The following DLGAP1 variants were observed in gnomAD, a reference collection of about 807,000 sequenced individuals.
The protein encoded by DLGAP1 is disks large-associated protein 1.
A neutral mutation model predicts 90.8 loss-of-function variants in DLGAP1; 11 were observed. The ratio of observed to expected loss-of-function variants is 0.12; its 90% CI spans 0.08 to 0.20. DLGAP1 has a LOEUF of 0.20. Among genes scored for constraint, DLGAP1 ranks in the 10% least tolerant of loss-of-function variants. DLGAP1 has a pLI of 1.00. For synonymous variants in DLGAP1, 558 were observed against 540.7 expected (o/e 1.03, Z -0.44); for missense variants, 1,050 against 1,333.8 (o/e 0.79, Z 3.31).
chr18:3,501,860 G>T (rs910923002), intron 12 of DLGAP1, among the ~76,000 whole-genome samples: 7 of 142,752 alleles, frequency 4.9e-5, no homozygotes, highest in Non-Finnish European at 9.0e-5. Context: ...TAAAGTAAAA[G>T]AATTTAAGTC....
intron 3 of DLGAP1, among the ~76,000 whole-genome samples, chr18:3,952,055 C>T (rs184040996): frequency 4.6e-5 from 7 of 152,158 alleles, no homozygotes; most frequent in South Asian, 2.1e-4. Context: ...GGTAGAAAAA[C>T]GTAGAGAAAT....
chr18:3,741,165 C>T (rs1296616813), intron 6 of DLGAP1, among the ~76,000 whole-genome samples: 6 of 97,372 alleles, frequency 6.2e-5, no homozygotes, highest in Non-Finnish European at 1.1e-4. Context: ...ACCACCATCA[C>T]CACCACATCA....
chr18:3,585,474 A>G (rs1461952036), intron 7 of DLGAP1, among the ~76,000 whole-genome samples: 1 of 152,240 alleles, frequency 6.6e-6, no homozygotes, highest in Admixed American at 6.5e-5. Context: ...CTCCTAAGAC[A>G]TGTCTTTACA....
chr18:3,902,536 A>G (rs1280875162), intron 3 of DLGAP1, among the ~76,000 whole-genome samples: 7 of 152,154 alleles, frequency 4.6e-5, no homozygotes, highest in African/African-American at 7.2e-5. Flanking sequence ...TTCAATTTCT[A>G]TAAGTTTCAC....
At chr18:4,088,077 TAAAC>T (rs1169560066) in intron 2 of DLGAP1, among the ~76,000 whole-genome samples, 1 of 135,556 alleles carries the variant, frequency 7.4e-6, no homozygotes, top group Admixed American at 7.1e-5. Flanking sequence ...TTATGTTTCT[TAAAC>T]ATTTATTTTT....
rs551904520 is a variant in DLGAP1 at position 4,077,718 on chromosome 18, T to C, written c.-158-72517A>G. ...CTTGAACTTTCCCAGATATTAGAAT[T>C]ATGGGTAAAATAAACTGTTTTAAAA... On this transcript the variant is annotated intron_variant, in intron 2 of 12. Coordinates refer to ENST00000315677, the MANE Select transcript of DLGAP1 (RefSeq NM_004746.4). 2.6e-5 allele frequency among the ~76,000 whole-genome samples: 4 copies of C among 152,220 alleles called. No individual in the cohort carries two copies. The East Asian group carries it at 7.7e-4, about 29-fold the overall frequency.
chr18:3,668,170 AT>A (rs779946014), intron 7 of DLGAP1, among the ~76,000 whole-genome samples: 2 of 152,196 alleles, frequency 1.3e-5, no homozygotes, highest in Admixed American at 1.3e-4. Flanking sequence ...TAAGCCCCAA[AT>A]TGTAAGTGCC....
intron 1 of DLGAP1, among the ~76,000 whole-genome samples, chr18:4,309,595 T>C (rs1214716379): frequency 6.6e-6 from 1 of 152,172 alleles, no homozygotes. Context: ...GCCCATTTTT[T>C]TTCTTCCTTA....
At position 3,497,629 on chromosome 18, in the gene DLGAP1, G is replaced by A. The variant is rs956160591; in HGVS notation, c.*1556C>T. On this transcript the variant is annotated 3_prime_UTR_variant, in exon 13 of 13. Coordinates refer to ENST00000315677, the MANE Select transcript of DLGAP1 (RefSeq NM_004746.4). ...TGATGTATGTTTTTAAAAGTCTTTC[G>A]TTTTTAATTTCTAATGCTTTAGGAT... is the stretch of plus-strand genomic sequence containing the variant. 1.3e-5 allele frequency: 2 copies of A among 152,084 alleles called. No homozygotes were observed. Among genetic ancestry groups the A allele is most frequent in the Middle Eastern group, 3.2e-3 (1 of 316 alleles). 9.4% of individuals were successfully genotyped at this position (152,084 alleles called of 1,614,324 possible). A position where few individuals can be genotyped will look rare whatever the true frequency, so the allele number is the denominator to read the frequency against.
chr18:3,671,013 C>A (rs1483896768), intron 7 of DLGAP1, among the ~76,000 whole-genome samples: 3 of 152,228 alleles, frequency 2.0e-5, no homozygotes, highest in Non-Finnish European at 4.4e-5. Context: ...ACGTTCTGGG[C>A]TACCTGAGCC....
chr18:3,567,297 A>C (rs565599732), intron 9 of DLGAP1, among the ~76,000 whole-genome samples, 193 bp downstream of exon 9: 1 of 152,310 alleles, frequency 6.6e-6, no homozygotes, highest in Non-Finnish European at 1.5e-5. Flanking sequence ...ATTCAAACAA[A>C]ACTCAAATGG....
intron 2 of DLGAP1, among the ~76,000 whole-genome samples, chr18:4,036,369 A>G (rs1035519358): frequency 7.9e-5 from 12 of 152,202 alleles, no homozygotes; most frequent in African/African-American, 2.7e-4. Flanking sequence ...CTTACATTTA[A>G]AATGAAGAAA....
chr18:4,146,991 T>C (rs747669404), intron 2 of DLGAP1, among the ~76,000 whole-genome samples: 4 of 151,962 alleles, frequency 2.6e-5, no homozygotes, highest in Non-Finnish European at 5.9e-5. Flanking sequence ...GCAAGAAAAG[T>C]AGGAAAAATT....
intron 3 of DLGAP1, chr18:3,986,139 C>G: frequency 6.6e-6 from 1 of 152,214 alleles, no homozygotes; most frequent in Admixed American, 6.5e-5. Context: ...CACTGGGGCA[C>G]CCGGCAGGGC....
intron 5 of DLGAP1, among the ~76,000 whole-genome samples, chr18:3,758,051 G>C (rs1165260579): frequency 2.0e-5 from 3 of 150,448 alleles, no homozygotes; most frequent in African/African-American, 7.4e-5. Flanking sequence ...GGAGGCGGAG[G>C]TTGCAGTGAG....
intron 5 of DLGAP1, among the ~76,000 whole-genome samples, chr18:3,755,902 C>A (rs1013312066): frequency 1.3e-5 from 2 of 151,978 alleles, no homozygotes; most frequent in African/African-American, 4.8e-5. Flanking sequence ...CTAGGGTAGA[C>A]CACATAATAG....
At chr18:3,788,258 C>T (rs946552710) in intron 5 of DLGAP1, among the ~76,000 whole-genome samples, 6 of 152,102 alleles carry the variant, frequency 3.9e-5, no homozygotes, top group African/African-American at 1.2e-4. Context: ...AAAATTTGAT[C>T]GTATCGGGAA....
At chr18:3,857,136 A>C (rs1265566172) in intron 4 of DLGAP1, among the ~76,000 whole-genome samples, 1 of 152,168 alleles carries the variant, frequency 6.6e-6, no homozygotes, top group Non-Finnish European at 1.5e-5. Flanking sequence ...AAGAGCCGAA[A>C]ACCTCTGTAG....
At chr18:3,847,635 T>C (rs1019036283) in intron 4 of DLGAP1, among the ~76,000 whole-genome samples, 6 of 152,096 alleles carry the variant, frequency 3.9e-5, no homozygotes, top group African/African-American at 1.2e-4. Flanking sequence ...AACGTAATTA[T>C]AGCAACATCC....
Sources: gnomAD v4.1 joint callset for allele counts (sites outside exome capture counted in the v4.1 genomes callset) on GRCh38, gnomAD v4.1.1 for gene constraint, MANE v1.5 for transcripts, NCBI Gene and HGNC (gene_info 2026-07-23, HGNC 2026-07-21) for gene names.